The following CALCRL variants were observed in gnomAD, a reference collection of about 807,000 sequenced individuals.
CALCRL encodes calcitonin receptor like receptor.
Under a neutral mutation model 60.4 loss-of-function variants are expected in CALCRL, and 27 were observed. The ratio of observed to expected loss-of-function variants is 0.45; its 90% CI spans 0.33 to 0.62. CALCRL has a LOEUF of 0.62. Among genes scored for constraint, CALCRL ranks in the 20% least tolerant of loss-of-function variants. The probability of loss-of-function intolerance (pLI) is 0.03; values close to 1 mark genes in which losing one functional copy is unlikely to be tolerated. For synonymous variants in CALCRL, 190 were observed against 182.6 expected (o/e 1.04, Z -0.33); for missense variants, 424 against 540.7 (o/e 0.78, Z 2.14).
intron 9 of CALCRL, 28 bp downstream of exon 9, chr2:187,363,348 A>G: frequency 1.3e-6 from 2 of 1,597,502 alleles, no homozygotes; most frequent in South Asian, 2.3e-5. Flanking sequence ...AGGCCCTTGA[A>G]CCAAGGGCAC....
At chr2:187,385,228 TG>T (rs1450220222) in intron 4 of CALCRL, among the ~76,000 whole-genome samples, 2 of 152,196 alleles carry the variant, frequency 1.3e-5, no homozygotes, top group African/African-American at 4.8e-5. Context: ...CAATTCTGGT[TG>T]AAAATATTTT....
intron 9 of CALCRL, among the ~76,000 whole-genome samples, chr2:187,361,729 T>C (rs950786615): frequency 6.6e-6 from 1 of 151,960 alleles, no homozygotes; most frequent in African/African-American, 2.4e-5. Flanking sequence ...ATATATTTTA[T>C]AGATAAAAAA....
At chr2:187,372,723 A>G (rs1045618287) in intron 8 of CALCRL, among the ~76,000 whole-genome samples, 21 of 152,284 alleles carry the variant, frequency 1.4e-4, no homozygotes, top group African/African-American at 5.1e-4. Context: ...TAAGTACAGT[A>G]TAAGGAACTG....
intron 1 of CALCRL, among the ~76,000 whole-genome samples, chr2:187,439,462 A>G (rs1482629326): frequency 6.6e-6 from 1 of 152,150 alleles, no homozygotes; most frequent in Non-Finnish European, 1.5e-5. Context: ...TCAAATAACT[A>G]ACTAACTAAA....
chr2:187,382,427 A>G (rs562110079), intron 5 of CALCRL, among the ~76,000 whole-genome samples: 4 of 152,234 alleles, frequency 2.6e-5, no homozygotes, highest in Non-Finnish European at 4.4e-5. Context: ...TTTAAAATCT[A>G]CTTTTACATA....
intron 1 of CALCRL, among the ~76,000 whole-genome samples, chr2:187,429,880 T>C (rs940146931): frequency 6.6e-6 from 1 of 152,188 alleles, no homozygotes; most frequent in African/African-American, 2.4e-5. Flanking sequence ...TGTTATAAGT[T>C]GAAAAACACA....
At chr2:187,432,007 G>T (rs1380266580) in intron 1 of CALCRL, among the ~76,000 whole-genome samples, 1 of 152,042 alleles carries the variant, frequency 6.6e-6, no homozygotes. Context: ...TGAGTCAATG[G>T]TTCTAAGGCA....
At chr2:187,346,891 C>T (rs183929912) in intron 14 of CALCRL, among the ~76,000 whole-genome samples, 2 of 151,860 alleles carry the variant, frequency 1.3e-5, no homozygotes, top group Admixed American at 6.6e-5. Flanking sequence ...TTCTGAGTGA[C>T]TCCCATATGC....
At chr2:187,415,787 A>G (rs1441273946) in intron 1 of CALCRL, 7 of 466,740 alleles carry the variant, frequency 1.5e-5, no homozygotes, top group Non-Finnish European at 2.4e-5. Context: ...TTGTATGACA[A>G]TGAATTTGGC....
chr2:187,359,282 C>CAA lies in CALCRL; in HGVS notation c.782-12_782-11dup. On this transcript the variant is annotated splice_polypyrimidine_tract_variant and intron_variant, in intron 10 of 14. Transcript: ENST00000392370. ...GGAATCAGTGGAAATCCTGTAATAACAAAAAAAAAAGAAAATAAATAGGCA... is the reference window on the plus strand; with the variant it reads ...GGAATCAGTGGAAATCCTGTAATAACAAAAAAAAAAAAGAAAATAAATAGGCA... 3.0e-5 allele frequency: 37 copies of CAA among 1,239,224 alleles called. No individual in the cohort carries two copies. Among genetic ancestry groups the CAA allele is most frequent in the Middle Eastern group, 5.5e-4 (2 of 3,606 alleles). 76.8% of individuals were successfully genotyped at this position (1,239,224 alleles called of 1,614,324 possible). A position where few individuals can be genotyped will look rare whatever the true frequency, so the allele number is the denominator to read the frequency against.
At chr2:187,404,034 T>C (rs1195248376) in intron 1 of CALCRL, among the ~76,000 whole-genome samples, 1 of 151,880 alleles carries the variant, frequency 6.6e-6, no homozygotes, top group Non-Finnish European at 1.5e-5. Flanking sequence ...TCAACTCAAT[T>C]GTATGTTTTT....
intron 10 of CALCRL, among the ~76,000 whole-genome samples, chr2:187,359,501 A>G (rs1686954797): frequency 6.6e-6 from 1 of 152,130 alleles, no homozygotes; most frequent in Non-Finnish European, 1.5e-5. Context: ...TTCTTCTACT[A>G]TAATTCATAA....
intron 8 of CALCRL, 117 bp from the exon 9 acceptor site, chr2:187,363,619 T>G: frequency 9.1e-7 from 1 of 1,099,062 alleles, no homozygotes; most frequent in Non-Finnish European, 1.2e-6. Flanking sequence ...AACAATTATT[T>G]TTTCTCCCTA....
chr2:187,392,053 A>T (rs1297059727), intron 1 of CALCRL, among the ~76,000 whole-genome samples: 1 of 152,144 alleles, frequency 6.6e-6, no homozygotes, highest in African/African-American at 2.4e-5. Context: ...GAACACAAAA[A>T]AACATAAATC....
rs765388874 is a variant in CALCRL at position 187,367,316 on chromosome 2, T to G, written c.501-3814A>C. Among the ~76,000 whole-genome samples the G allele has an allele frequency of 8.2e-4, 124 of 152,142 alleles. 1 individual carries two copies. Among genetic ancestry groups the G allele is most frequent in the Non-Finnish European group, 1.2e-3 (84 of 68,002 alleles). ...ATCGCCACATCATTTCATTTTGTGTTGTGTAAATATGTCCTACTGCCTAAA... is the reference window on the plus strand; with the variant it reads ...ATCGCCACATCATTTCATTTTGTGTGGTGTAAATATGTCCTACTGCCTAAA... On this transcript the variant is annotated intron_variant, in intron 8 of 14. Coordinates refer to ENST00000392370, the MANE Select transcript of CALCRL (RefSeq NM_005795.6).
At chr2:187,363,880 T>C (rs1474307039) in intron 8 of CALCRL, among the ~76,000 whole-genome samples, 1 of 152,220 alleles carries the variant, frequency 6.6e-6, no homozygotes, top group Non-Finnish European at 1.5e-5. Context: ...GAACACTTTG[T>C]ATTTGCTGTC....
chr2:187,376,342 C>T (rs2105770129), intron 8 of CALCRL, among the ~76,000 whole-genome samples: 1 of 151,664 alleles, frequency 6.6e-6, no homozygotes, highest in African/African-American at 2.4e-5. Context: ...TACATTGTGC[C>T]TTATATATTT....
At chr2:187,419,342 T>C (rs972225241) in intron 1 of CALCRL, among the ~76,000 whole-genome samples, 6 of 152,156 alleles carry the variant, frequency 3.9e-5, no homozygotes, top group African/African-American at 1.4e-4. Flanking sequence ...GAGGAAGAGA[T>C]GTCAGGGATA....
intron 7 of CALCRL, 117 bp downstream of exon 7, chr2:187,380,350 G>A (rs1687933308): frequency 1.7e-6 from 1 of 583,592 alleles, no homozygotes; most frequent in East Asian, 2.6e-5. Context: ...ATTATATTAT[G>A]AAAAGGCTTT....
Sources: gnomAD v4.1 joint callset for allele counts (sites outside exome capture counted in the v4.1 genomes callset) on GRCh38, gnomAD v4.1.1 for gene constraint, MANE v1.5 for transcripts, NCBI Gene and HGNC (gene_info 2026-07-23, HGNC 2026-07-21) for gene names.